The following ESYT3 variants were observed in gnomAD, a reference collection of about 807,000 sequenced individuals.
ESYT3 encodes extended synaptotagmin 3.
Under a neutral mutation model 111.5 loss-of-function variants are expected in ESYT3, and 101 were observed. That is an observed-to-expected ratio of 0.91 (90% CI 0.77 to 1.07). The LOEUF is 1.07. ESYT3 is among the 50% of genes least tolerant of loss of function. The pLI is 0.00. For synonymous variants in ESYT3, 416 were observed against 446.8 expected (o/e 0.93, Z 0.87); for missense variants, 1,097 against 1,109.4 (o/e 0.99, Z 0.16).
At chr3:138,445,399 TG>T (rs1359257024) in intron 1 of ESYT3, among the ~76,000 whole-genome samples, 4 of 152,230 alleles carry the variant, frequency 2.6e-5, no homozygotes, top group African/African-American at 7.2e-5. Context: ...GAGTTTCACA[TG>T]GGCGCCTGAC....
chr3:138,458,569 C>A (rs1348631218), intron 4 of ESYT3, among the ~76,000 whole-genome samples: 1 of 152,266 alleles, frequency 6.6e-6, no homozygotes, highest in African/African-American at 2.4e-5. Flanking sequence ...CCTCTCCCTT[C>A]CCTGAGTCTC....
At chr3:138,472,267 A>C in intron 17 of ESYT3, 96 bp from the exon 18 acceptor site, 1 of 1,490,540 alleles carries the variant, frequency 6.7e-7, no homozygotes, top group Non-Finnish European at 9.0e-7. Flanking sequence ...GGGTCTTTAT[A>C]ATTCACAACT....
chr3:138,452,202 C>G, intron 2 of ESYT3, 113 bp downstream of exon 2: 1 of 937,160 alleles, frequency 1.1e-6, no homozygotes, highest in Non-Finnish European at 1.6e-6. Flanking sequence ...TTGCCTGACG[C>G]GGGCAGGGAT....
intron 1 of ESYT3, among the ~76,000 whole-genome samples, chr3:138,448,116 A>G (rs2031667073): frequency 6.6e-6 from 1 of 151,568 alleles, no homozygotes; most frequent in African/African-American, 2.4e-5. Context: ...AAATACAAAA[A>G]ATTAGCCAGG....
At chr3:138,470,576 G>T (rs2033167011) in intron 16 of ESYT3, 1 of 1,178,494 alleles carries the variant, frequency 8.5e-7, no homozygotes, top group Non-Finnish European at 1.1e-6. Context: ...ATCTTTTAGG[G>T]CCCTGAGCCC....
rs753353628 is a variant in ESYT3, at chr3:138,470,106, T to C, written c.1550T>C (p.Phe517Ser). The C allele has an allele frequency of 3.1e-6, 5 of 1,612,988 alleles. No individual in the cohort carries two copies. Among genetic ancestry groups the C allele is most frequent in the Admixed American group, 3.3e-5 (2 of 59,968 alleles). ...KDPVWSQVFSFFVHNVATERL... is the reference protein window; with the variant it reads ...KDPVWSQVFSSFVHNVATERL... ...CCTGTGTGGAGCCAGGTGTTCTCCT[T>C]CTTTGTGCACAATGTGGCCACTGAG... The change falls in exon 16 of 23, where the codon TTC (phenylalanine) becomes TCC (serine). Residue 517 changes from phenylalanine (F) to serine (S), a missense_variant. Physicochemically the swap from Phe to Ser is radical, Grantham distance 155. Transcript: ENST00000389567.
At chr3:138,451,924 C>A in intron 1 of ESYT3, 124 bp from the exon 2 acceptor site, 1 of 1,067,094 alleles carries the variant, frequency 9.4e-7, no homozygotes, top group Non-Finnish European at 1.4e-6. Flanking sequence ...GACGTGGAGG[C>A]GGCGGGGAGG....
Position 138,434,629 on chromosome 3 carries a change from C to G in ESYT3, c.-170C>G, listed in dbSNP as rs2030469950. On this transcript the variant is annotated 5_prime_UTR_variant, in exon 1 of 23. Transcript: ENST00000389567. ...GCGCGGCGCGGTGCATTTCCAGGCG[C>G]TGCTCTCCGTCGCAGAGAACCCTGA... 1 of 612,502 alleles carries G rather than the reference C, an allele frequency of 1.6e-6. No homozygotes were observed. Among genetic ancestry groups the G allele is most frequent in the Non-Finnish European group, 2.7e-6 (1 of 371,498 alleles). 37.9% of individuals were successfully genotyped at this position (612,502 alleles called of 1,614,324 possible).
At chr3:138,437,027 T>G (rs1360372526) in intron 1 of ESYT3, among the ~76,000 whole-genome samples, 2 of 152,000 alleles carry the variant, frequency 1.3e-5, no homozygotes, top group Non-Finnish European at 2.9e-5. Flanking sequence ...AGGAGCAATA[T>G]GGACCTAGCC....
chr3:138,439,675 T>C (rs1371777919), intron 1 of ESYT3, among the ~76,000 whole-genome samples: 1 of 152,174 alleles, frequency 6.6e-6, no homozygotes, highest in Non-Finnish European at 1.5e-5. Context: ...TTATCAGATA[T>C]TGATTTGCCC....
At chr3:138,468,294 T>G in intron 12 of ESYT3, 100 bp downstream of exon 12, 1 of 1,089,940 alleles carries the variant, frequency 9.2e-7, no homozygotes, top group Non-Finnish European at 1.4e-6. Context: ...TGCCCCCTTC[T>G]TGCTCACCTC....
In ESYT3 at chr3:138,476,248, GAAGTA is replaced by G; in HGVS notation, c.2498_2502del (p.Val833GlufsTer11). 2 of 1,613,232 alleles carry G rather than the reference GAAGTA, an allele frequency of 1.2e-6. No homozygotes were observed. The highest frequency in any genetic ancestry group is 1.7e-6 in the Non-Finnish European group (2 of 1,179,396). ...ATTTGAATTTTTTGTTCCCATGGAA[GAAGTA>G]AAGAAGAGGTCACTAGATGTTGCAG... On this transcript the variant is annotated frameshift_variant, in exon 21 of 23. Transcript: ENST00000389567. LOFTEE classifies it high-confidence loss of function.
At chr3:138,469,576 A>C in intron 15 of ESYT3, 72 bp downstream of exon 15, 1 of 1,301,606 alleles carries the variant, frequency 7.7e-7, no homozygotes. Context: ...GAGAGGCAAA[A>C]GGGAGGGGAA....
intron 2 of ESYT3, 129 bp downstream of exon 2, chr3:138,452,218 C>T: frequency 1.3e-6 from 1 of 784,192 alleles, no homozygotes. Flanking sequence ...GGGATGCTCC[C>T]TTTCCCTCTT....
At chr3:138,467,104 C>T (rs887724858) in intron 10 of ESYT3, among the ~76,000 whole-genome samples, 1 of 152,158 alleles carries the variant, frequency 6.6e-6, no homozygotes, top group Non-Finnish European at 1.5e-5. Context: ...CCTTGTAGGG[C>T]ACCTGGGGTA....
intron 2 of ESYT3, among the ~76,000 whole-genome samples, chr3:138,453,092 A>G (rs1396905915): frequency 6.6e-6 from 1 of 152,208 alleles, no homozygotes; most frequent in Non-Finnish European, 1.5e-5. Context: ...GAACATTCTC[A>G]GCCTCTGGGT....
chr3:138,470,287 C>A, intron 16 of ESYT3, 141 bp downstream of exon 16: 1 of 1,368,362 alleles, frequency 7.3e-7, no homozygotes, highest in South Asian at 1.5e-5. Context: ...GACACTGAGG[C>A]CCCACAAGGC....
chr3:138,451,434 C>G (rs1313424526), intron 1 of ESYT3, among the ~76,000 whole-genome samples: 1 of 152,110 alleles, frequency 6.6e-6, no homozygotes, highest in African/African-American at 2.4e-5. Flanking sequence ...AATATTTTTT[C>G]TTTTTGTTTA....
At chr3:138,447,359 A>C (rs1286894076) in intron 1 of ESYT3, among the ~76,000 whole-genome samples, 1 of 149,524 alleles carries the variant, frequency 6.7e-6, no homozygotes. Context: ...ATTATTAGAA[A>C]ACAGCAAAAA....
Sources: gnomAD v4.1 joint callset for allele counts (sites outside exome capture counted in the v4.1 genomes callset) on GRCh38, gnomAD v4.1.1 for gene constraint, MANE v1.5 for transcripts, NCBI Gene and HGNC (gene_info 2026-07-23, HGNC 2026-07-21) for gene names.